The following PAK2 variants were observed in gnomAD, a reference collection of about 807,000 sequenced individuals.
PAK2 encodes p21 (RAC1) activated kinase 2, also known as serine/threonine-protein kinase PAK 2.
In PAK2, 21 loss-of-function variants were observed where a neutral mutation model predicts 65.9. The observed-to-expected ratio is 0.32, with a 90% CI of 0.23 to 0.46. The LOEUF (loss-of-function observed/expected upper bound fraction) is 0.46, where lower values mean the gene tolerates loss of function less well. Among genes scored for constraint, PAK2 ranks in the 20% least tolerant of loss-of-function variants. PAK2 has a pLI of 1.00. For synonymous variants in PAK2, 204 were observed against 219.7 expected (o/e 0.93, Z 0.63); for missense variants, 324 against 642.6 (o/e 0.50, Z 5.36).
intron 1 of PAK2, among the ~76,000 whole-genome samples, chr3:196,744,602 C>T (rs145474369): frequency 7.2e-4 from 108 of 150,768 alleles, no homozygotes; most frequent in African/African-American, 2.4e-3. Context: ...AGTACCTACC[C>T]GCTGTTAATA....
At chr3:196,790,859 C>G (rs1247246094) in intron 2 of PAK2, among the ~76,000 whole-genome samples, 1 of 152,224 alleles carries the variant, frequency 6.6e-6, no homozygotes, top group African/African-American at 2.4e-5. Context: ...AGAGGGCCAT[C>G]TTGCCCACCA....
chr3:196,819,487 T>C (rs990526670), intron 12 of PAK2, among the ~76,000 whole-genome samples: 3 of 152,112 alleles, frequency 2.0e-5, no homozygotes, highest in Non-Finnish European at 4.4e-5. Context: ...GATGTACTAA[T>C]ATGGAAAGAT....
intron 13 of PAK2, among the ~76,000 whole-genome samples, chr3:196,826,312 C>T (rs1214960420): frequency 1.3e-5 from 2 of 152,022 alleles, no homozygotes; most frequent in Non-Finnish European, 2.9e-5. Flanking sequence ...GCTGGGACTA[C>T]AGGCGCCCAC....
At chr3:196,792,415 A>G (rs1326458296) in intron 2 of PAK2, among the ~76,000 whole-genome samples, 1 of 152,168 alleles carries the variant, frequency 6.6e-6, no homozygotes, top group Non-Finnish European at 1.5e-5. Context: ...ACGTATTAAT[A>G]ATTGTGTTTC....
rs1712015019 is a variant in PAK2 at position 196,829,973 on chromosome 3, GGT to G, written c.*1571_*1572del. ...TATTCATTGTTTTGCTTTTGGAGTG[GGT>G]GTTGTTCAAGTATCTGTGGTTTGGT... On this transcript the variant is annotated 3_prime_UTR_variant, in exon 15 of 15. Coordinates refer to ENST00000327134, the MANE Select transcript of PAK2 (RefSeq NM_002577.4). 6.6e-6 allele frequency: 1 copy of G among 151,472 alleles called. No homozygotes were observed. Among genetic ancestry groups the G allele is most frequent in the Admixed American group, 6.6e-5 (1 of 15,188 alleles). The allele number at this position is 151,472 out of a possible 1,614,324, so 9.4% of individuals were successfully genotyped here. A position where few individuals can be genotyped will look rare whatever the true frequency, so the allele number is the denominator to read the frequency against.
chr3:196,764,097 C>T lies in PAK2; in HGVS notation c.-21-18529C>T, dbSNP rs537153121. 1.2e-4 allele frequency among the ~76,000 whole-genome samples: 19 copies of T among 152,124 alleles called. 1 individual carries two copies. The highest frequency in any genetic ancestry group is 2.0e-4 in the Admixed American group (3 of 15,276). The stretch of plus-strand genomic sequence containing the variant: ...GATTACAGGCGTGAGCCACCGCGCC[C>T]GGCCTGCTGCTGCTTTTGTATCTTT... On this transcript the variant is annotated intron_variant, in intron 1 of 14. Coordinates refer to ENST00000327134, the MANE Select transcript of PAK2 (RefSeq NM_002577.4).
intron 1 of PAK2, among the ~76,000 whole-genome samples, chr3:196,744,767 G>A (rs1713318291): frequency 6.6e-6 from 1 of 152,046 alleles, no homozygotes; most frequent in Non-Finnish European, 1.5e-5. Context: ...ATATTATGCT[G>A]TATGGTAGTA....
intron 1 of PAK2, among the ~76,000 whole-genome samples, chr3:196,771,414 C>A (rs1327810182): frequency 1.3e-5 from 2 of 152,064 alleles, no homozygotes; most frequent in East Asian, 3.8e-4. Context: ...TAGACTTCTA[C>A]TTACAGATTT....
At chr3:196,826,684 G>T (rs1221419995) in intron 13 of PAK2, among the ~76,000 whole-genome samples, 6 of 152,036 alleles carry the variant, frequency 3.9e-5, no homozygotes, top group African/African-American at 1.4e-4. Context: ...ACTTTGGGAG[G>T]CCGAGGCAGG....
At chr3:196,756,730 G>A (rs1344985291) in intron 1 of PAK2, among the ~76,000 whole-genome samples, 1 of 152,138 alleles carries the variant, frequency 6.6e-6, no homozygotes, top group African/African-American at 2.4e-5. Flanking sequence ...CAGCTACTCG[G>A]GAGGCTGAGG....
At chr3:196,825,278 A>G (rs1711811435) in intron 13 of PAK2, among the ~76,000 whole-genome samples, 5 of 152,044 alleles carry the variant, frequency 3.3e-5, no homozygotes, top group East Asian at 3.9e-4. Context: ...CCCGGGAGGC[A>G]GAGGTTGCCA....
chr3:196,757,238 A>C (rs142053352), intron 1 of PAK2, among the ~76,000 whole-genome samples: 1 of 152,212 alleles, frequency 6.6e-6, no homozygotes, highest in Non-Finnish European at 1.5e-5. Context: ...GACTGGGATG[A>C]GTCAGGACAG....
At chr3:196,785,973 A>G (rs138274716) in intron 2 of PAK2, among the ~76,000 whole-genome samples, 14 of 152,126 alleles carry the variant, frequency 9.2e-5, no homozygotes, top group African/African-American at 3.4e-4. Flanking sequence ...TCTTTAATCC[A>G]TTTTTCTACT....
At chr3:196,757,157 G>A (rs1303056178) in intron 1 of PAK2, among the ~76,000 whole-genome samples, 2 of 152,212 alleles carry the variant, frequency 1.3e-5, no homozygotes, top group East Asian at 3.9e-4. Context: ...GGGAAGGACG[G>A]TTAGGAACAG....
chr3:196,794,839 C>G (rs1030208579), intron 2 of PAK2, among the ~76,000 whole-genome samples: 1 of 152,152 alleles, frequency 6.6e-6, no homozygotes, highest in Non-Finnish European at 1.5e-5. Flanking sequence ...GGGGACTCCT[C>G]TCTCCCATTT....
In PAK2 at chr3:196,807,901, T is replaced by C. The variant is rs746005336; in HGVS notation, c.696T>C (p.Ile232=). The C allele has an allele frequency of 2.5e-6, 4 of 1,586,898 alleles. No individual in the cohort carries two copies. The East Asian group carries it at 6.7e-5, about 27-fold the overall frequency. ...KKKTKMTDEE[I]MEKLRTIVSI... ...AGACTAAGATGACAGATGAAGAGAT[T>C]ATGGAGAAATTAAGTATGTTATCTA... The change falls in exon 7 of 15, where the codon ATT becomes ATC. Residue 232 remains isoleucine (I), a synonymous_variant. Transcript: ENST00000327134.
At chr3:196,785,831 C>CT (rs532969910) in intron 2 of PAK2, among the ~76,000 whole-genome samples, 127 of 152,242 alleles carry the variant, frequency 8.3e-4, no homozygotes, top group South Asian at 7.2e-3. Context: ...TGCAGGGAAA[C>CT]TCCCCCTTTT....
At chr3:196,825,475 C>T (rs73205848) in intron 13 of PAK2, among the ~76,000 whole-genome samples, 6,623 of 150,870 alleles carry the variant, frequency 0.044, 238 homozygotes, top group East Asian at 0.13. Context: ...AACCCCGTCT[C>T]TACTGAAAAT....
In PAK2 at chr3:196,739,865, C is replaced by G. The variant is rs1012324943; in HGVS notation, c.-314C>G. The G allele has an allele frequency of 6.6e-6, 1 of 152,078 alleles. No individual in the cohort carries two copies. Among genetic ancestry groups the G allele is most frequent in the South Asian group, 2.1e-4 (1 of 4,824 alleles). The allele number at this position is 152,078 out of a possible 1,614,324, so 9.4% of individuals were successfully genotyped here. A position where few individuals can be genotyped will look rare whatever the true frequency, so the allele number is the denominator to read the frequency against. ...CCGCCCCGCTCCCCGCCGTCTTCCT[C>G]CCCCAGGGTTGTGGCCACGCGCAGC... On this transcript the variant is annotated 5_prime_UTR_variant, in exon 1 of 15. Coordinates refer to ENST00000327134, the MANE Select transcript of PAK2 (RefSeq NM_002577.4).
Sources: gnomAD v4.1 joint callset for allele counts (sites outside exome capture counted in the v4.1 genomes callset) on GRCh38, gnomAD v4.1.1 for gene constraint, MANE v1.5 for transcripts, NCBI Gene and HGNC (gene_info 2026-07-23, HGNC 2026-07-21) for gene names.